TMTC4: variants seen among roughly 807,000 people sequenced by gnomAD.
TMTC4 encodes transmembrane O-mannosyltransferase targeting cadherins 4, also known as protein O-mannosyl-transferase TMTC4.
TMTC4 carries 65 observed loss-of-function variants against 86.0 expected under a neutral mutation model. The ratio of observed to expected loss-of-function variants is 0.76; its 90% CI spans 0.62 to 0.93. The LOEUF is 0.93. Among genes scored for constraint, TMTC4 ranks in the 40% least tolerant of loss-of-function variants. TMTC4 has a pLI of 0.00. For synonymous variants in TMTC4, 379 were observed against 382.5 expected, an observed-to-expected ratio of 0.99 and a Z score of 0.11; for missense variants, 866 against 948.1, an observed-to-expected ratio of 0.91 and a Z score of 1.14.
chr13:100,674,487 C>CGGCGCG (rs1566658911), intron 1 of TMTC4: 1 of 677,140 alleles, frequency 1.5e-6, no homozygotes, highest in Non-Finnish European at 1.8e-6. Flanking sequence ...GGCCCGAGCG[C>CGGCGCG]GGCGGGCGGG....
At chr13:100,623,953 C>G (rs550091936) in intron 15 of TMTC4, 3 of 456,474 alleles carry the variant, frequency 6.6e-6, no homozygotes, top group South Asian at 4.9e-5. Flanking sequence ...GGGGGTAGTA[C>G]ATTGTATGGG....
intron 4 of TMTC4, 38 bp from the exon 5 acceptor site, chr13:100,663,218 G>A (rs769717726): frequency 8.8e-6 from 14 of 1,592,642 alleles, no homozygotes; most frequent in African/African-American, 2.7e-5. Flanking sequence ...CACGCGCAGC[G>A]GCATGCGGCA....
chr13:100,642,900 C>T (rs1331458994), intron 6 of TMTC4, among the ~76,000 whole-genome samples: 1 of 152,182 alleles, frequency 6.6e-6, no homozygotes, highest in Non-Finnish European at 1.5e-5. Context: ...TACCTAGCAC[C>T]TGGGGCAGGT....
At chr13:100,648,308 C>T (rs1884002322) in intron 6 of TMTC4, among the ~76,000 whole-genome samples, 2 of 151,804 alleles carry the variant, frequency 1.3e-5, no homozygotes, top group Admixed American at 1.3e-4. Context: ...GAATACAAAA[C>T]CGATTTTGGA....
chr13:100,614,128 C>T lies in TMTC4; in HGVS notation c.1951+188G>A, dbSNP rs530727735. On this transcript the variant is annotated intron_variant, in intron 16 of 18. Coordinates refer to ENST00000342624, the MANE Select transcript of TMTC4 (RefSeq NM_032813.5). The stretch of plus-strand genomic sequence containing the variant: ...CGCTGGGATTACAGGTGTGAGCAAC[C>T]GTGCCCGGCCTAGAAATTCCATTTT... Among the ~76,000 whole-genome samples, 16 of 152,004 alleles carry T rather than the reference C, an allele frequency of 1.1e-4. 1 individual carries two copies. The highest frequency in any genetic ancestry group is 4.2e-4 in the South Asian group (2 of 4,806).
At chr13:100,651,139 T>C (rs917263718) in intron 6 of TMTC4, among the ~76,000 whole-genome samples, 3 of 152,294 alleles carry the variant, frequency 2.0e-5, no homozygotes, top group East Asian at 3.9e-4. Flanking sequence ...CTCCCCACTA[T>C]AAATGAGAAT....
intron 10 of TMTC4, 145 bp from the exon 11 acceptor site, chr13:100,635,340 C>T (rs1882071886): frequency 2.1e-6 from 2 of 934,158 alleles, no homozygotes; most frequent in Non-Finnish European, 3.1e-6. Flanking sequence ...CAAAGGATAT[C>T]ATCAGTAGAG....
rs1223572122 is a variant in TMTC4, at chr13:100,605,660, A to C, written c.2135-518T>G. ...GATAGTTACAGTAAACCTAATCATTAGGATGATTAGCCTCTGATCATGACA... is the reference window on the plus strand; with the variant it reads ...GATAGTTACAGTAAACCTAATCATTCGGATGATTAGCCTCTGATCATGACA... On this transcript the variant is annotated intron_variant, in intron 18 of 18. Coordinates refer to ENST00000342624, the MANE Select transcript of TMTC4 (RefSeq NM_032813.5). This position sits in a 1 kb window ranked among gnomAD's most constrained non-coding sequence, Gnocchi z 4.3. Among the ~76,000 whole-genome samples, 1 of 152,234 alleles carries C rather than the reference A, an allele frequency of 6.6e-6. No individual in the cohort carries two copies. The highest frequency in any genetic ancestry group is 1.5e-5 in the Non-Finnish European group (1 of 68,030).
intron 12 of TMTC4, among the ~76,000 whole-genome samples, chr13:100,628,930 C>T (rs1346566436): frequency 6.6e-6 from 1 of 152,144 alleles, no homozygotes; most frequent in East Asian, 1.9e-4. Flanking sequence ...GGGTAGATCA[C>T]CTGAGGTCAG....
chr13:100,633,999 G>A (rs968419263), intron 12 of TMTC4, among the ~76,000 whole-genome samples: 2 of 152,080 alleles, frequency 1.3e-5, no homozygotes, highest in African/African-American at 4.8e-5. Flanking sequence ...AATTAGCTGG[G>A]TGTGGTAGCA....
intron 5 of TMTC4, among the ~76,000 whole-genome samples, chr13:100,660,824 T>A (rs1322225691): frequency 6.6e-6 from 1 of 152,122 alleles, no homozygotes. Context: ...CGGCTCATTT[T>A]TGTATTTTTA....
intron 6 of TMTC4, among the ~76,000 whole-genome samples, chr13:100,651,926 TCTG>T (rs1267145343): frequency 2.9e-4 from 44 of 152,340 alleles, no homozygotes; most frequent in African/African-American, 1.0e-3. Flanking sequence ...GTTTTTATTC[TCTG>T]CTGAACATTT....
intron 17 of TMTC4, among the ~76,000 whole-genome samples, chr13:100,608,755 G>A (rs1255778979): frequency 1.3e-5 from 2 of 152,182 alleles, no homozygotes; most frequent in Non-Finnish European, 2.9e-5. Context: ...CAGGCAATGA[G>A]CCAATTTAAT....
rs368008559 is a variant in TMTC4, at chr13:100,648,040, C to T, written c.641-5729G>A. On this transcript the variant is annotated intron_variant, in intron 6 of 18. Coordinates refer to ENST00000342624, the MANE Select transcript of TMTC4 (RefSeq NM_032813.5). ...TAGACTTCCGATTTTGCTTCAAACA[C>T]ACCCAGCATGAAAAGATATGAAAGA... 6.6e-5 allele frequency among the ~76,000 whole-genome samples: 10 copies of T among 152,218 alleles called. No individual in the cohort carries two copies. The East Asian group carries it at 9.6e-4, about 15-fold the overall frequency.
intron 1 of TMTC4, among the ~76,000 whole-genome samples, chr13:100,671,362 C>T (rs1207143452): frequency 2.0e-5 from 3 of 152,146 alleles, no homozygotes; most frequent in Admixed American, 2.0e-4. Context: ...GTTCAAATGG[C>T]CTTCTAAGTA....
At position 100,638,013 on chromosome 13, in the gene TMTC4, C is replaced by T; in HGVS notation, c.751G>A (p.Ala251Thr). 1 of 1,613,724 alleles carries T rather than the reference C, an allele frequency of 6.2e-7. No individual in the cohort carries two copies. The highest frequency in any genetic ancestry group is 8.5e-7 in the Non-Finnish European group (1 of 1,179,908). The change falls in exon 8 of 19, where the codon GCG becomes ACG. Residue 251 changes from alanine (A) to threonine (T), a missense_variant. Coordinates refer to ENST00000342624, the MANE Select transcript of TMTC4 (RefSeq NM_032813.5). ...CCTATCACCAAGATGTCAAATACCGCATTTAAACCCTAAGAAAGCAAAGCA... is the reference window on the plus strand; with the variant it reads ...CCTATCACCAAGATGTCAAATACCGTATTTAAACCCTAAGAAAGCAAAGCA... Reference protein sequence around the residue: ...EQGITVLGLNAVFDILVIGKF... With the variant: ...EQGITVLGLNTVFDILVIGKF...
intron 5 of TMTC4, among the ~76,000 whole-genome samples, chr13:100,661,490 G>T (rs1472527105): frequency 6.6e-6 from 1 of 152,210 alleles, no homozygotes; most frequent in African/African-American, 2.4e-5. Context: ...TACTTCTCCA[G>T]TGAATCCCTC....
chr13:100,631,029 C>CA (rs1881286826), intron 12 of TMTC4, among the ~76,000 whole-genome samples: 1 of 152,136 alleles, frequency 6.6e-6, no homozygotes, highest in African/African-American at 2.4e-5. Context: ...CAAAACAGAA[C>CA]AAAAATCTCA....
intron 12 of TMTC4, among the ~76,000 whole-genome samples, chr13:100,631,841 A>G (rs9518114): frequency 0.18 from 26,932 of 152,132 alleles, 2,743 homozygotes; most frequent in Admixed American, 0.24. Context: ...TTTTTTCAAA[A>G]AAAAGGAAGT....
Sources: allele counts gnomAD v4.1 joint callset (sites outside exome capture counted in the v4.1 genomes callset), GRCh38; gene constraint gnomAD v4.1.1; non-coding constraint Gnocchi (gnomAD v3.1); transcripts MANE v1.5; gene names NCBI Gene and HGNC (gene_info 2026-07-23, HGNC 2026-07-21).